Variants in NOTCH1 observed in about 807,000 individuals in gnomAD.
NOTCH1 encodes neurogenic locus notch homolog protein 1.
Under a neutral mutation model 254.8 loss-of-function variants are expected in NOTCH1, and 37 were observed. That is an observed-to-expected ratio of 0.15 (90% confidence interval 0.11 to 0.19). The LOEUF is 0.19. Ranked by LOEUF, NOTCH1 falls within the 10% of genes least tolerant of loss-of-function variation. NOTCH1 has a pLI of 1.00. For synonymous variants in NOTCH1, 1,731 were observed against 1,618.1 expected (o/e 1.07, Z -1.68); for missense variants, 2,972 against 3,708.6 (o/e 0.80, Z 5.16).
chr9:136,515,911 G>A, intron 10 of NOTCH1, 70 bp downstream of exon 10: 1 of 1,336,778 alleles, frequency 7.5e-7, no homozygotes, highest in Non-Finnish European at 1.0e-6. Context: ...CCATGACCTT[G>A]TCAGTTTCAC....
rs1842915400 is a variant in NOTCH1 at position 136,496,438 on chromosome 9, A to G, written c.7301T>C (p.Leu2434Pro). The G allele has an allele frequency of 6.2e-7, 1 of 1,600,090 alleles. No homozygotes were observed. The highest frequency in any genetic ancestry group is 8.5e-7 in the Non-Finnish European group (1 of 1,179,808). ...GTCTGCCTGGCTCGGCTCTCCACTC[A>G]GGAAGCTCCGGCCCAGGTGGCCGCT... ...AASGHLGRSF[L>P]SGEPSQADVQ... The change falls in exon 34 of 34, where the codon CTG becomes CCG. Residue 2434 changes from leucine (L) to proline (P), a missense_variant. Around this residue, in one of 8 missense-constraint regions of NOTCH1, gnomAD observed 529 missense variants for 529.2 expected, o/e 1.00. Coordinates refer to ENST00000651671, the MANE Select transcript of NOTCH1 (RefSeq NM_017617.5).
rs1337547171 is a variant in NOTCH1, at chr9:136,496,032, G to C, written c.*39C>G. 6.3e-7 allele frequency: 1 copy of C among 1,578,920 alleles called. No individual in the cohort carries two copies. The highest frequency in any genetic ancestry group is 8.5e-7 in the Non-Finnish European group (1 of 1,170,080). On this transcript the variant is annotated 3_prime_UTR_variant, in exon 34 of 34. Coordinates refer to ENST00000651671, the MANE Select transcript of NOTCH1 (RefSeq NM_017617.5). ...ACAGAGCGCACACAGACGCCCGAAG[G>C]CTTGGGAAAGGAAGCCGGGGTCTCG...
At chr9:136,521,023 C>T (rs142663187) in intron 4 of NOTCH1, among the ~76,000 whole-genome samples, 2,715 of 152,300 alleles carry the variant, frequency 0.018, 42 homozygotes, top group Middle Eastern at 0.061. Context: ...AGCCAGTTCC[C>T]GGGCCTGCAG....
Position 136,519,493 on chromosome 9 carries a change from C to G in NOTCH1, c.815G>C (p.Cys272Ser). ...PGNNCKNGGA[C>S]VDGVNTYNCR... is the part of the protein sequence containing the mutation. ...GTTGTAGGTGTTCACGCCGTCCACA[C>G]AGGCACCCCCGTTCTTGCAGTTGTT... Residue 272 changes from cysteine (C) to serine (S), a missense_variant, in exon 5 of 34, where the codon TGT (cysteine) becomes TCT (serine). Transcript: ENST00000651671. 6.2e-7 allele frequency: 1 copy of G among 1,613,020 alleles called. No homozygotes were observed. Among genetic ancestry groups the G allele is most frequent in the Non-Finnish European group, 8.5e-7 (1 of 1,179,958 alleles).
intron 9 of NOTCH1, 65 bp downstream of exon 9, chr9:136,517,207 C>G (rs1011399569): frequency 1.9e-6 from 2 of 1,064,044 alleles, no homozygotes; most frequent in East Asian, 2.6e-5. Flanking sequence ...CAACCCACGC[C>G]CAGGCACCCC....
chr9:136,528,424 G>GTGC, intron 2 of NOTCH1, among the ~76,000 whole-genome samples: 1 of 82,708 alleles, frequency 1.2e-5, no homozygotes, highest in Non-Finnish European at 2.9e-5. Flanking sequence ...GTGCGGGGGG[G>GTGC]ATGGGCAGGG....
intron 26 of NOTCH1, 134 bp downstream of exon 26, chr9:136,504,539 G>A: frequency 9.7e-7 from 1 of 1,032,474 alleles, no homozygotes. Flanking sequence ...GGTCCTCTCG[G>A]AACCTCCGTC....
In NOTCH1 at chr9:136,502,385, G is replaced by A. The variant is rs747336695; in HGVS notation, c.5271C>T (p.Ser1757=). 1.9e-6 allele frequency: 3 copies of A among 1,612,260 alleles called. 1 individual carries two copies. In the Admixed American group the frequency reaches 5.0e-5, roughly 27 times the overall value. The change falls in exon 28 of 34, where the codon TCC becomes TCT. Residue 1757 remains serine, a synonymous_variant. Coordinates refer to ENST00000651671, the MANE Select transcript of NOTCH1 (RefSeq NM_017617.5). Reference sequence around the variant, plus strand: ...GGCCATGCTGCCGCCGGCGCTTGCGGGACAGCAGCACCCCGCAGCCCACGA... The same window carrying A: ...GGCCATGCTGCCGCCGGCGCTTGCGAGACAGCAGCACCCCGCAGCCCACGA... ...LFFVGCGVLL[S]RKRRRQHGQL... is the part of the protein sequence containing the mutation.
rs1171509865 is a variant in NOTCH1, at chr9:136,516,191, G to C, written c.1556-97C>G. On this transcript the variant is annotated intron_variant, in intron 9 of 33. Coordinates refer to ENST00000651671, the MANE Select transcript of NOTCH1 (RefSeq NM_017617.5). Reference sequence around the variant, plus strand: ...ACCCCAGCAGTGAGCGCCTGGCTGGGCTCCCCAGGGCACACTCAGCCTGAG... The same window carrying C: ...ACCCCAGCAGTGAGCGCCTGGCTGGCCTCCCCAGGGCACACTCAGCCTGAG... 1.5e-5 allele frequency: 13 copies of C among 862,620 alleles called. No individual in the cohort carries two copies. In the South Asian group the frequency reaches 1.8e-4, roughly 12 times the overall value. The allele number at this position is 862,620 out of a possible 1,614,324, so 53.4% of individuals were successfully genotyped here.
intron 2 of NOTCH1, among the ~76,000 whole-genome samples, chr9:136,538,940 C>G (rs182972848): frequency 6.6e-6 from 1 of 152,244 alleles, no homozygotes. Flanking sequence ...GGTCCCCTCC[C>G]CACAGCAAAA....
chr9:136,517,629 C>T, intron 8 of NOTCH1, 123 bp downstream of exon 8: 1 of 1,251,092 alleles, frequency 8.0e-7, no homozygotes, highest in East Asian at 2.5e-5. Flanking sequence ...CCTGTGCAGG[C>T]TGTGGGCCCA....
rs1399509525 is a variant in NOTCH1, at chr9:136,543,686, A to G, written c.140+338T>C. On this transcript the variant is annotated intron_variant, in intron 2 of 33. Coordinates refer to ENST00000651671, the MANE Select transcript of NOTCH1 (RefSeq NM_017617.5). ...CAGGGTGGTGGGGGCTGGGCCTCTC[A>G]GTAAATGGTCCAGAGCTTCCCCTGG... 3 of 454,888 alleles carry G rather than the reference A, an allele frequency of 6.6e-6. 1 individual carries two copies. Among genetic ancestry groups the G allele is most frequent in the Non-Finnish European group, 1.2e-5 (3 of 245,186 alleles). 28.2% of individuals were successfully genotyped at this position (454,888 alleles called of 1,614,324 possible).
chr9:136,511,276 G>C lies in NOTCH1; in HGVS notation c.2468-5C>G, dbSNP rs932196144. 2 of 1,609,686 alleles carry C rather than the reference G, an allele frequency of 1.2e-6. No homozygotes were observed. The highest frequency in any genetic ancestry group is 1.7e-6 in the Non-Finnish European group (2 of 1,179,398). On this transcript the variant is annotated splice_polypyrimidine_tract_variant and splice_region_variant and intron_variant, in intron 15 of 33. Transcript: ENST00000651671. The stretch of plus-strand genomic sequence containing the variant: ...GCACCACCTCACACGTGGCACCTGC[G>C]GGAAGGAGACACACGTGACCCCGGG...
chr9:136,533,266 G>T (rs1342608500), intron 2 of NOTCH1, among the ~76,000 whole-genome samples: 1 of 134,060 alleles, frequency 7.5e-6, no homozygotes, highest in Non-Finnish European at 1.6e-5. Flanking sequence ...CCAAGGGGGG[G>T]ACTCTGGCCC....
chr9:136,495,905 TA>T lies in NOTCH1; in HGVS notation c.*165del. 1 of 729,026 alleles carries T rather than the reference TA, an allele frequency of 1.4e-6. No individual in the cohort carries two copies. Among genetic ancestry groups the T allele is most frequent in the Non-Finnish European group, 2.1e-6 (1 of 466,316 alleles). The allele number at this position is 729,026 out of a possible 1,614,324, so 45.2% of individuals were successfully genotyped here. On this transcript the variant is annotated 3_prime_UTR_variant, in exon 34 of 34. Transcript: ENST00000651671. The stretch of plus-strand genomic sequence containing the variant: ...AAAAAGGCAGTGTTTCTGTGTAAAA[TA>T]AAAGTACATAAATAAATACTAAAAA...
rs2133330173 is a variant in NOTCH1 at position 136,502,084 on chromosome 9, G to T, written c.5389C>A (p.Leu1797Met). The T allele has an allele frequency of 1.2e-6, 2 of 1,613,132 alleles. No homozygotes were observed. Among genetic ancestry groups the T allele is most frequent in the Non-Finnish European group, 8.5e-7 (1 of 1,179,960 alleles). Residue 1797 changes from leucine (L) to methionine (M), a missense_variant, in exon 29 of 34, where the codon CTG (leucine) becomes ATG (methionine). Leu to Met is a conservative substitution (Grantham distance 15). Transcript: ENST00000651671. The stretch of plus-strand genomic sequence containing the variant: ...AGGGCACCGTCTGAAGCGTTCTTCA[G>T]GGGCCTGGGGGGTGAGGGGTCGAGA... ...LGEDSVGLKPLKNASDGALMD... is the reference protein window; with the variant it reads ...LGEDSVGLKPMKNASDGALMD...
rs2133408369 is a variant in NOTCH1 at position 136,545,625 on chromosome 9, T to C, written c.61+101A>G. The C allele has an allele frequency of 2.1e-6, 2 of 960,666 alleles. No homozygotes were observed. The highest frequency in any genetic ancestry group is 1.8e-5 in the African/African-American group (1 of 55,532). The allele number at this position is 960,666 out of a possible 1,614,324, so 59.5% of individuals were successfully genotyped here. ...CCGCTTTTCCCTCTCCATGCTGGCC[T>C]CCCCGCCGCCCGCTCCCAGCCGTGG... On this transcript the variant is annotated intron_variant, in intron 1 of 33. Transcript: ENST00000651671. The surrounding 1 kb of genome is among the most constrained non-coding windows in gnomAD (Gnocchi z 6.8).
chr9:136,539,677 C>T (rs1325574453), intron 2 of NOTCH1, among the ~76,000 whole-genome samples: 1 of 152,224 alleles, frequency 6.6e-6, no homozygotes, highest in Non-Finnish European at 1.5e-5. Flanking sequence ...TTTTCTAACC[C>T]TGGCGCCCTT....
chr9:136,531,726 A>G (rs936172866), intron 2 of NOTCH1, among the ~76,000 whole-genome samples: 4 of 152,028 alleles, frequency 2.6e-5, no homozygotes, highest in Admixed American at 6.5e-5. Context: ...CCGGAGGAGC[A>G]CTCCTGGCAT....
Sources: allele counts gnomAD v4.1 joint callset (sites outside exome capture counted in the v4.1 genomes callset), GRCh38; gene constraint gnomAD v4.1.1; regional missense constraint gnomAD v4.1.1; non-coding constraint Gnocchi (gnomAD v3.1); transcripts MANE v1.5; gene names NCBI Gene and HGNC (gene_info 2026-07-23, HGNC 2026-07-21).